Variants in BCR observed in about 807,000 individuals in gnomAD.
The protein encoded by BCR is BCR activator of RhoGEF and GTPase.
A neutral mutation model predicts 138.6 loss-of-function variants in BCR; 58 were observed. That is an observed-to-expected ratio of 0.42 (90% CI 0.34 to 0.52). The LOEUF is 0.52. BCR is among the 20% of genes least tolerant of loss of function. The probability of loss-of-function intolerance (pLI) is 0.06; values close to 1 mark genes in which losing one functional copy is unlikely to be tolerated. For synonymous variants in BCR, 786 were observed against 730.1 expected, an observed-to-expected ratio of 1.08 and a Z score of -1.23; for missense variants, 1,599 against 1,727.2, an observed-to-expected ratio of 0.93 and a Z score of 1.32.
intron 1 of BCR, among the ~76,000 whole-genome samples, chr22:23,230,929 A>G (rs537883340): frequency 6.6e-6 from 1 of 152,284 alleles, no homozygotes; most frequent in East Asian, 1.9e-4. Context: ...CCGGGGCCAC[A>G]GGTGGAGTAG....
Position 23,268,423 on chromosome 22 carries a change from G to A in BCR, c.1768G>A (p.Val590Met), listed in dbSNP as rs200379861. 6.2e-6 allele frequency: 10 copies of A among 1,612,526 alleles called. No individual in the cohort carries two copies. Among genetic ancestry groups the A allele is most frequent in the African/African-American group, 1.3e-5 (1 of 75,044 alleles). The change falls in exon 5 of 23, where the codon GTG (valine) becomes ATG (methionine). Residue 590 changes from valine (V) to methionine (M), a missense_variant. Physicochemically the swap from Val to Met is conservative, Grantham distance 21. Transcript: ENST00000305877. ...TCCCCCTCAGGCCAGCCAGCTGGGTGTGTACCGGGCCTTCGTGGACAACTA... is the reference window on the plus strand; with the variant it reads ...TCCCCCTCAGGCCAGCCAGCTGGGTATGTACCGGGCCTTCGTGGACAACTA... ...LFQKLASQLG[V>M]YRAFVDNYGV...
At chr22:23,219,322 C>G (rs1365936287) in intron 1 of BCR, among the ~76,000 whole-genome samples, 12 of 152,176 alleles carry the variant, frequency 7.9e-5, no homozygotes, top group Non-Finnish European at 1.8e-4. Context: ...AGCTCTGTTC[C>G]TTATGTTAGA....
intron 1 of BCR, among the ~76,000 whole-genome samples, chr22:23,210,848 C>G (rs1305759026): frequency 6.6e-6 from 1 of 152,154 alleles, no homozygotes; most frequent in Non-Finnish European, 1.5e-5. Flanking sequence ...ATTATTTCAT[C>G]CCACAGATGG....
At chr22:23,288,478 C>T (rs1432133892) in intron 12 of BCR, among the ~76,000 whole-genome samples, 1 of 151,924 alleles carries the variant, frequency 6.6e-6, no homozygotes, top group African/African-American at 2.4e-5. Context: ...TACACACACC[C>T]CTGCCATCTC....
At position 23,234,731 on chromosome 22, in the gene BCR, C is replaced by G. The variant is rs541639921; in HGVS notation, c.1280-19068C>G. ...GGGACCCAGGCTGATCAGGTCGCAG[C>G]GAGCATGAGGGGACTGTGCGAAGCC... On this transcript the variant is annotated intron_variant, in intron 1 of 22. Coordinates refer to ENST00000305877, the MANE Select transcript of BCR (RefSeq NM_004327.4). Among the ~76,000 whole-genome samples the G allele has an allele frequency of 4.9e-4, 52 of 106,844 alleles. 3 individuals carry two copies. The highest frequency in any genetic ancestry group is 1.3e-3 in the African/African-American group (49 of 37,026). The allele number at this position is 106,844 out of a possible 152,430, so 70.1% of individuals were successfully genotyped here.
intron 1 of BCR, among the ~76,000 whole-genome samples, chr22:23,226,331 T>A (rs775693185): frequency 4.9e-4 from 65 of 133,510 alleles, no homozygotes; most frequent in Middle Eastern, 3.6e-3. Context: ...AGAGAGAGTG[T>A]GTGTGTGTGT....
chr22:23,247,102 C>T (rs1346167635), intron 1 of BCR, among the ~76,000 whole-genome samples: 1 of 152,132 alleles, frequency 6.6e-6, no homozygotes, highest in Non-Finnish European at 1.5e-5. Flanking sequence ...CTCCAAAAGA[C>T]GTGTGCTGCT....
chr22:23,303,312 AG>A (rs1476427753), intron 16 of BCR, among the ~76,000 whole-genome samples: 1 of 152,192 alleles, frequency 6.6e-6, no homozygotes, highest in Non-Finnish European at 1.5e-5. Flanking sequence ...ATCACGTCAC[AG>A]GGGACGTGAT....
At chr22:23,241,777 G>T (rs1319259734) in intron 1 of BCR, among the ~76,000 whole-genome samples, 1 of 152,014 alleles carries the variant, frequency 6.6e-6, no homozygotes, top group Non-Finnish European at 1.5e-5. Flanking sequence ...CCCCAGCCCT[G>T]CCCCACCTCC....
intron 15 of BCR, 54 bp downstream of exon 15, chr22:23,292,692 T>G: frequency 2.0e-6 from 3 of 1,476,100 alleles, no homozygotes; most frequent in Non-Finnish European, 1.9e-6. Flanking sequence ...ACAGGATATT[T>G]TCCACTGGAG....
intron 1 of BCR, among the ~76,000 whole-genome samples, chr22:23,238,012 C>T (rs763442479): frequency 2.6e-5 from 4 of 152,154 alleles, no homozygotes; most frequent in Admixed American, 6.5e-5. Context: ...TTCTCAGTGC[C>T]GTTTCCTCCC....
intron 8 of BCR, among the ~76,000 whole-genome samples, chr22:23,279,647 C>G (rs1240976229): frequency 1.3e-5 from 2 of 152,260 alleles, no homozygotes; most frequent in South Asian, 2.1e-4. Flanking sequence ...TCCTTCTCCA[C>G]TTCCTCAGCT....
At chr22:23,244,449 G>A (rs542163794) in intron 1 of BCR, among the ~76,000 whole-genome samples, 2 of 152,236 alleles carry the variant, frequency 1.3e-5, no homozygotes, top group African/African-American at 2.4e-5. Flanking sequence ...CCTCTCCTCC[G>A]TTAGGTCCTG....
chr22:23,238,113 CGAG>C (rs1324218848), intron 1 of BCR, among the ~76,000 whole-genome samples: 1 of 151,916 alleles, frequency 6.6e-6, no homozygotes, highest in Admixed American at 6.6e-5. Context: ...AGAGATGAAA[CGAG>C]GAGTTTCATC....
Position 23,181,528 on chromosome 22 carries a change from A to G in BCR, c.568A>G (p.Lys190Glu). ...VEFHHERGLV[K>E]VNDKEVSDRI... ...GTTTCACCACGAGCGCGGCCTGGTG[A>G]AGGTCAACGACAAAGAGGTGTCGGA... Residue 190 changes from lysine (K) to glutamate (E), a missense_variant, in exon 1 of 23, where the codon AAG becomes GAG. Physicochemically the swap from Lys to Glu is moderately conservative, Grantham distance 56 (BLOSUM62 1). This residue lies in a region of BCR where 806 missense variants were observed against 635.0 expected (regional missense o/e 1.27). Coordinates refer to ENST00000305877, the MANE Select transcript of BCR (RefSeq NM_004327.4). 1 of 1,612,900 alleles carries G rather than the reference A, an allele frequency of 6.2e-7. No homozygotes were observed. Among genetic ancestry groups the G allele is most frequent in the Non-Finnish European group, 8.5e-7 (1 of 1,179,912 alleles).
intron 1 of BCR, among the ~76,000 whole-genome samples, chr22:23,191,604 C>T (rs1237508364): frequency 6.6e-6 from 1 of 152,162 alleles, no homozygotes. Flanking sequence ...AGAGTATGCC[C>T]TGCTGTAGTG....
In BCR at chr22:23,216,959, C is replaced by T. The variant is rs77751661; in HGVS notation, c.1279+34720C>T. 5.1e-3 allele frequency: 2,070 copies of T among 409,092 alleles called. 43 individuals carry two copies. Among genetic ancestry groups the T allele is most frequent in the African/African-American group, 0.04 (1,918 of 48,382 alleles). 25.3% of individuals were successfully genotyped at this position (409,092 alleles called of 1,614,324 possible). ...ACCGGATTCTGTTGGTACAGTGTGT[C>T]GCAAGTCTTGCCCAGATCTAAGCGG... On this transcript the variant is annotated intron_variant, in intron 1 of 22. Transcript: ENST00000305877.
At chr22:23,206,545 C>G (rs1454137321) in intron 1 of BCR, among the ~76,000 whole-genome samples, 1 of 150,930 alleles carries the variant, frequency 6.6e-6, no homozygotes, top group Non-Finnish European at 1.5e-5. Flanking sequence ...CCACTGCACT[C>G]CAGCCTGGGC....
In BCR at chr22:23,247,103, G is replaced by A. The variant is rs78999270; in HGVS notation, c.1280-6696G>A. Among the ~76,000 whole-genome samples the A allele has an allele frequency of 5.0e-3, 765 of 152,224 alleles. 5 individuals are homozygous for A. Among genetic ancestry groups the A allele is most frequent in the African/African-American group, 0.018 (728 of 41,532 alleles). On this transcript the variant is annotated intron_variant, in intron 1 of 22. Coordinates refer to ENST00000305877, the MANE Select transcript of BCR (RefSeq NM_004327.4). ...CTGCCTGACAATCCCTCCAAAAGAC[G>A]TGTGCTGCTGTTTGTAGAAGTCGCT...
Sources: gnomAD v4.1 joint callset for allele counts (sites outside exome capture counted in the v4.1 genomes callset) on GRCh38, gnomAD v4.1.1 for gene constraint, gnomAD v4.1.1 regional missense constraint, MANE v1.5 for transcripts, NCBI Gene and HGNC (gene_info 2026-07-23, HGNC 2026-07-21) for gene names.